The following KMT2D variants were observed in gnomAD, a reference collection of about 807,000 sequenced individuals.
KMT2D encodes the protein histone-lysine N-methyltransferase 2D.
KMT2D carries 55 observed loss-of-function variants against 512.7 expected under a neutral mutation model. That is an observed-to-expected ratio of 0.11 (90% CI 0.09 to 0.13). The LOEUF (loss-of-function observed/expected upper bound fraction) is 0.13, where lower values mean the gene tolerates loss of function less well. KMT2D is among the 10% of genes least tolerant of loss of function. The pLI is 1.00. For synonymous variants in KMT2D, 2,995 were observed against 2,904.0 expected, an observed-to-expected ratio of 1.03 and a Z score of -1.01; for missense variants, 6,061 against 7,127.9, an observed-to-expected ratio of 0.85 and a Z score of 5.39.
chr12:49,023,429 G>A (rs1269922060), intron 51 of KMT2D, among the ~76,000 whole-genome samples: 1 of 152,178 alleles, frequency 6.6e-6, no homozygotes, highest in Non-Finnish European at 1.5e-5. Context: ...CCCCTTCTCT[G>A]ACATAACATT....
Position 49,038,581 on chromosome 12 carries a change from C to A in KMT2D, c.8775G>T (p.Ala2925=), listed in dbSNP as rs200797750. The A allele has an allele frequency of 1.9e-6, 3 of 1,612,396 alleles. No individual in the cohort carries two copies. Among genetic ancestry groups the A allele is most frequent in the Non-Finnish European group, 2.5e-6 (3 of 1,179,242 alleles). The part of the protein sequence containing the change: ...RLAPEGLRGL[A]VSGLPPQKPS... The stretch of plus-strand genomic sequence containing the variant: ...GTTTCTGTGGGGGAAGACCTGATAC[C>A]GCCAGGCCCCGAAGCCCTTCAGGAG... The change falls in exon 35 of 55, where the codon GCG becomes GCT. Residue 2925 remains alanine (A), a synonymous_variant. Coordinates refer to ENST00000301067, the MANE Select transcript of KMT2D (RefSeq NM_003482.4). The surrounding 1 kb of genome is among the most constrained non-coding windows in gnomAD (Gnocchi z 5.7).
At chr12:49,055,580 AGG>A (rs1228665775) in intron 1 of KMT2D, among the ~76,000 whole-genome samples, 1 of 152,226 alleles carries the variant, frequency 6.6e-6, no homozygotes. Flanking sequence ...AGAGATTCTC[AGG>A]GGATCCATTT....
chr12:49,054,749 C>T lies in KMT2D; in HGVS notation c.179G>A (p.Gly60Glu). 6.2e-7 allele frequency: 1 copy of T among 1,613,900 alleles called. No homozygotes were observed. Among genetic ancestry groups the T allele is most frequent in the South Asian group, 1.1e-5 (1 of 91,076 alleles). ...GAGAGCACAACGCCGCACCGGACCC[C>T]CACTGTGGACACACAAGCATCAGTA... The part of the protein sequence containing the change: ...RLQETPQDCS[G>E]GPVRRCALCN... Residue 60 changes from glycine to glutamate, a missense_variant and splice_region_variant, in exon 4 of 55, where the codon GGG (glycine) becomes GAG (glutamate). Physicochemically the swap from Gly to Glu is moderately conservative, Grantham distance 98 (BLOSUM62 -2). Transcript: ENST00000301067. This position sits in a 1 kb window ranked among gnomAD's most constrained non-coding sequence, Gnocchi z 6.4.
rs769801278 is a variant in KMT2D, at chr12:49,031,019, C to T, written c.13545G>A (p.Arg4515=). 6.2e-7 allele frequency: 1 copy of T among 1,613,886 alleles called. No individual in the cohort carries two copies. Among genetic ancestry groups the T allele is most frequent in the South Asian group, 1.1e-5 (1 of 91,084 alleles). ...GCTTGGGCTTCGGTGTCAAAGGCTT[C>T]CTTGCTGCTGCATCCTAAGCCAAAT... ...TPSNKEDAAA[R]KPLTPKPKRV... The change falls in exon 41 of 55, where the codon AGG becomes AGA. Residue 4515 remains arginine (R), a synonymous_variant. Transcript: ENST00000301067.
At position 49,054,650 on chromosome 12, in the gene KMT2D, C is replaced by T. The variant is rs1301033353; in HGVS notation, c.278G>A (p.Arg93Gln). 4 of 1,612,482 alleles carry T rather than the reference C, an allele frequency of 2.5e-6. No individual in the cohort carries two copies. Among genetic ancestry groups the T allele is most frequent in the African/African-American group, 1.3e-5 (1 of 74,850 alleles). Residue 93 changes from arginine to glutamine, a missense_variant, in exon 4 of 55, where the codon CGG becomes CAG. Coordinates refer to ENST00000301067, the MANE Select transcript of KMT2D (RefSeq NM_003482.4). The surrounding 1 kb of genome is among the most constrained non-coding windows in gnomAD (Gnocchi z 6.4). The stretch of plus-strand genomic sequence containing the variant: ...CCCCCCAGGGGACACCACTGGACAC[C>T]GGGGCCAATCAAATGGCAACTCAAA... ...RRFELPFDWP[R>Q]CPVVSPGGSP...
At chr12:49,029,371 C>T in intron 44 of KMT2D, 30 bp downstream of exon 44, 5 of 1,557,054 alleles carry the variant, frequency 3.2e-6, no homozygotes, top group Non-Finnish European at 4.4e-6. Context: ...CACCCTTGTT[C>T]CTCATCCCCA....
intron 19 of KMT2D, among the ~76,000 whole-genome samples, chr12:49,045,259 C>T (rs1943730724): frequency 6.6e-6 from 1 of 152,220 alleles, no homozygotes; most frequent in African/African-American, 2.4e-5. Flanking sequence ...AGGGCCCCTA[C>T]TTGCTGAATG....
In KMT2D at chr12:49,052,900, G is replaced by A. The variant is rs2120691417; in HGVS notation, c.1112+15C>T. 1 of 1,613,616 alleles carries A rather than the reference G, an allele frequency of 6.2e-7. No individual in the cohort carries two copies. The highest frequency in any genetic ancestry group is 1.7e-5 in the Admixed American group (1 of 60,012). ...CAACCTGCCAGCCCAATCTCAGTCA[G>A]TCCCCACCACTTACCTGCTACACAC... On this transcript the variant is annotated intron_variant, in intron 9 of 54. Transcript: ENST00000301067.
At chr12:49,025,053 C>T in intron 49 of KMT2D, 107 bp from the exon 50 acceptor site, 1 of 1,280,614 alleles carries the variant, frequency 7.8e-7, no homozygotes, top group South Asian at 1.4e-5. Flanking sequence ...TCAAGCCTCC[C>T]TATCATGAAG....
At chr12:49,036,570 C>A (rs1447372045) in intron 35 of KMT2D, among the ~76,000 whole-genome samples, 1 of 149,552 alleles carries the variant, frequency 6.7e-6, no homozygotes, top group Non-Finnish European at 1.5e-5. Context: ...CTCACCACAA[C>A]CTCTGCCTCA....
Position 49,019,951 on chromosome 12 carries a change from C to T in KMT2D, c.*1829G>A. 1 of 228,582 alleles carries T rather than the reference C, an allele frequency of 4.4e-6. No individual in the cohort carries two copies. The highest frequency in any genetic ancestry group is 6.2e-5 in the East Asian group (1 of 16,140). The allele number at this position is 228,582 out of a possible 1,614,324, so 14.2% of individuals were successfully genotyped here. ...AAGCCCACCCCTACACTCCAGACATCTGATTCTTGAAAATATTAATTACAA... is the reference window on the plus strand; with the variant it reads ...AAGCCCACCCCTACACTCCAGACATTTGATTCTTGAAAATATTAATTACAA... On this transcript the variant is annotated 3_prime_UTR_variant, in exon 55 of 55. Transcript: ENST00000301067.
At chr12:49,052,752 C>A in intron 9 of KMT2D, 43 bp from the exon 10 acceptor site, 1 of 1,604,174 alleles carries the variant, frequency 6.2e-7, no homozygotes, top group Non-Finnish European at 8.5e-7. Context: ...CTCTCACCAG[C>A]TAACAAATCC....
Position 49,019,670 on chromosome 12 carries a change from G to C in KMT2D, c.*2110C>G, listed in dbSNP as rs1470382800. On this transcript the variant is annotated 3_prime_UTR_variant, in exon 55 of 55. Coordinates refer to ENST00000301067, the MANE Select transcript of KMT2D (RefSeq NM_003482.4). ...CTGCTCTCGGAAAAGGAACATCCAA[G>C]GGCTGTGGCTTTGAGGGCAGCAGCC... is the stretch of plus-strand genomic sequence containing the variant. The C allele has an allele frequency of 1.3e-5, 3 of 231,466 alleles. No individual in the cohort carries two copies. The highest frequency in any genetic ancestry group is 2.6e-5 in the Non-Finnish European group (3 of 116,822). The allele number at this position is 231,466 out of a possible 1,614,324, so 14.3% of individuals were successfully genotyped here. A position where few individuals can be genotyped will look rare whatever the true frequency, so the allele number is the denominator to read the frequency against.
At chr12:49,045,110 C>A in intron 19 of KMT2D, 145 bp from the exon 20 acceptor site, 1 of 719,452 alleles carries the variant, frequency 1.4e-6, no homozygotes, top group Non-Finnish European at 2.3e-6. Context: ...AACAGGCCAC[C>A]AAGGGGCACT....
In KMT2D at chr12:49,055,276, C is replaced by G. The variant is rs1323918085; in HGVS notation, c.49G>C (p.Ala17Pro). 1 of 1,614,034 alleles carries G rather than the reference C, an allele frequency of 6.2e-7. No homozygotes were observed. Among genetic ancestry groups the G allele is most frequent in the South Asian group, 1.1e-5 (1 of 91,084 alleles). ...AGEDKDSEPA[A>P]DGPAASEDPS... Reference sequence around the variant, plus strand: ...CAAACAAACAATTTGTCCTACTCACCTGCCGGTTCTGAATCTTTATCCTCA... The same window carrying G: ...CAAACAAACAATTTGTCCTACTCACGTGCCGGTTCTGAATCTTTATCCTCA... The change falls in exon 2 of 55, where the codon GCT (alanine) becomes CCT (proline). Residue 17 changes from alanine (A) to proline (P), a missense_variant and splice_region_variant. Ala to Pro is a conservative substitution (Grantham distance 27). This residue lies in a region of KMT2D where 144 missense variants were observed against 165.7 expected (regional missense o/e 0.87). Transcript: ENST00000301067.
In KMT2D at chr12:49,030,404, C is replaced by T. The variant is rs1180910533; in HGVS notation, c.13875G>A (p.Ser4625=). 1.3e-6 allele frequency: 2 copies of T among 1,543,722 alleles called. No homozygotes were observed. Among genetic ancestry groups the T allele is most frequent in the Non-Finnish European group, 1.8e-6 (2 of 1,142,366 alleles). ...NLSNPPTPPS[S]LPPTPPPSVQ... ...CCGATGGGGGTGGGGTGGGGGGCAG[C>T]GACGAGGGTGGTGTCGGCGGGTTAC... Residue 4625 remains serine (S), a synonymous_variant, in exon 43 of 55, where the codon TCG becomes TCA. Transcript: ENST00000301067.
chr12:49,040,646 G>A lies in KMT2D; in HGVS notation c.7124C>T (p.Thr2375Ile), dbSNP rs1473013161. Reference protein sequence around the residue: ...HPDIFRPGSYTDPYAQPPLTP... With the variant: ...HPDIFRPGSYIDPYAQPPLTP... ...CAATGGGGGCTGAGCATATGGGTCA[G>A]TGTAGGAGCCAGGGCGAAAGATGTC... Residue 2375 changes from threonine to isoleucine, a missense_variant, in exon 32 of 55, where the codon ACT becomes ATT. This residue lies in a region of KMT2D where 710 missense variants were observed against 647.3 expected (regional missense o/e 1.10). Coordinates refer to ENST00000301067, the MANE Select transcript of KMT2D (RefSeq NM_003482.4). 4 of 1,613,796 alleles carry A rather than the reference G, an allele frequency of 2.5e-6. No individual in the cohort carries two copies. Among genetic ancestry groups the A allele is most frequent in the Non-Finnish European group, 2.5e-6 (3 of 1,179,786 alleles).
At position 49,052,402 on chromosome 12, in the gene KMT2D, C is replaced by A. The variant is rs2120686947; in HGVS notation, c.1281G>T (p.Glu427Asp). 6.5e-7 allele frequency: 1 copy of A among 1,542,154 alleles called. No individual in the cohort carries two copies. The highest frequency in any genetic ancestry group is 8.7e-7 in the Non-Finnish European group (1 of 1,144,236). The change falls in exon 11 of 55, where the codon GAG (glutamate) becomes GAT (aspartate). Residue 427 changes from glutamate (E) to aspartate (D), a missense_variant. Glu to Asp is a conservative substitution (Grantham distance 45). Coordinates refer to ENST00000301067, the MANE Select transcript of KMT2D (RefSeq NM_003482.4). ...CGTTTAGGGGGGCCTCCAACTGGGG[C>A]TCAAGTTGGACCCCTGCTTTCCCTG... Reference protein sequence around the residue: ...KPLGKAGVQLEPQLEAPLNEE... With the variant: ...KPLGKAGVQLDPQLEAPLNEE...
Position 49,046,447 on chromosome 12 carries a change from G to C in KMT2D, c.4419-23C>G, listed in dbSNP as rs1442340312. On this transcript the variant is annotated intron_variant, in intron 16 of 54. Coordinates refer to ENST00000301067, the MANE Select transcript of KMT2D (RefSeq NM_003482.4). The surrounding 1 kb of genome is among the most constrained non-coding windows in gnomAD (Gnocchi z 4.2). The stretch of plus-strand genomic sequence containing the variant: ...CACCTGATAGGAGCAGGAAAACAGA[G>C]CTTTAGCACCCAACCTACCCGAAGT... 2.5e-6 allele frequency: 4 copies of C among 1,609,912 alleles called. No homozygotes were observed. The highest frequency in any genetic ancestry group is 4.5e-5 in the East Asian group (2 of 44,786).
Sources: gnomAD v4.1 joint callset for allele counts (sites outside exome capture counted in the v4.1 genomes callset) on GRCh38, gnomAD v4.1.1 for gene constraint, gnomAD v4.1.1 regional missense constraint, Gnocchi (gnomAD v3.1) non-coding constraint, MANE v1.5 for transcripts, NCBI Gene and HGNC (gene_info 2026-07-23, HGNC 2026-07-21) for gene names.